RYR3: variants seen among roughly 807,000 people sequenced by gnomAD.
The protein encoded by RYR3 is brain ryanodine receptor-calcium release channel.
A neutral mutation model predicts 584.3 loss-of-function variants in RYR3; 207 were observed. The observed-to-expected ratio is 0.35, with a 90% CI of 0.32 to 0.40. The LOEUF (loss-of-function observed/expected upper bound fraction) is 0.40. Among genes scored for constraint, RYR3 ranks in the 10% least tolerant of loss-of-function variants. The probability of loss-of-function intolerance (pLI) is 1.00; values close to 1 mark genes in which losing one functional copy is unlikely to be tolerated. For synonymous variants in RYR3, 2,416 were observed against 2,248.5 expected, an observed-to-expected ratio of 1.07 and a Z score of -2.11; for missense variants, 5,616 against 6,089.2, an observed-to-expected ratio of 0.92 and a Z score of 2.59.
chr15:33,320,028 TAAA>T (rs532964114), intron 1 of RYR3, among the ~76,000 whole-genome samples: 1 of 152,052 alleles, frequency 6.6e-6, no homozygotes, highest in South Asian at 2.1e-4. Context: ...TACGTTCAAA[TAAA>T]AAAATTCTCA....
chr15:33,436,220 A>G (rs1313026069), intron 1 of RYR3, among the ~76,000 whole-genome samples: 1 of 152,134 alleles, frequency 6.6e-6, no homozygotes. Flanking sequence ...TCTTTGCTAT[A>G]CTGATTTCCT....
In RYR3 at chr15:33,379,687, C is replaced by CTCTCTCTATA; in HGVS notation, c.51+68592_51+68593insCTCTCTATAT. 2.0e-3 allele frequency among the ~76,000 whole-genome samples: 257 copies of CTCTCTCTATA among 125,518 alleles called. 1 individual carries two copies. Among genetic ancestry groups the CTCTCTCTATA allele is most frequent in the Middle Eastern group, 4.1e-3 (1 of 242 alleles). 82.3% of individuals were successfully genotyped at this position (125,518 alleles called of 152,430 possible). ...TGTCCCTCTCTCTCTCTCTCTCTCTCTATATATATATATATATATATGAAT... is the reference window on the plus strand; with the variant it reads ...TGTCCCTCTCTCTCTCTCTCTCTCTCTCTCTCTATATATATATATATATATATATATGAAT... On this transcript the variant is annotated intron_variant, in intron 1 of 103. Transcript: ENST00000634891.
In RYR3 at chr15:33,748,620, C is replaced by A; in HGVS notation, c.8199+90C>A. 3 of 1,071,280 alleles carry A rather than the reference C, an allele frequency of 2.8e-6. No homozygotes were observed. In the East Asian group the frequency reaches 7.7e-5, roughly 27 times the overall value. The allele number at this position is 1,071,280 out of a possible 1,614,324, so 66.4% of individuals were successfully genotyped here. A position where few individuals can be genotyped will look rare whatever the true frequency, so the allele number is the denominator to read the frequency against. On this transcript the variant is annotated intron_variant, in intron 55 of 103. Transcript: ENST00000634891. ...AAAGGGGGAAAAAAGGGAAAGAATG[C>A]CTAGAACATATCACCACTAAAATTC...
intron 85 of RYR3, among the ~76,000 whole-genome samples, chr15:33,829,306 T>C (rs1338991553): frequency 6.6e-6 from 1 of 152,182 alleles, no homozygotes; most frequent in Non-Finnish European, 1.5e-5. Context: ...AGCCCATGGA[T>C]CAAGGAGTAA....
intron 65 of RYR3, among the ~76,000 whole-genome samples, chr15:33,783,162 A>G (rs527592200): frequency 2.0e-5 from 3 of 152,304 alleles, no homozygotes; most frequent in Non-Finnish European, 4.4e-5. Flanking sequence ...AGGCTTGTTC[A>G]AGACTGTTGA....
chr15:33,549,199 C>T (rs1019141926), intron 9 of RYR3, among the ~76,000 whole-genome samples: 4 of 152,134 alleles, frequency 2.6e-5, no homozygotes, highest in African/African-American at 9.7e-5. Context: ...GAGTAACATA[C>T]TCTTGTTCTC....
At chr15:33,579,840 C>G in intron 12 of RYR3, 136 bp from the exon 13 acceptor site, 1 of 492,128 alleles carries the variant, frequency 2.0e-6, no homozygotes, top group Non-Finnish European at 3.6e-6. Flanking sequence ...CATTTTGTAG[C>G]TGCTGGTACA....
At chr15:33,640,003 C>T (rs546053695) in intron 27 of RYR3, among the ~76,000 whole-genome samples, 180 of 152,196 alleles carry the variant, frequency 1.2e-3, no homozygotes, top group Middle Eastern at 3.4e-3. Flanking sequence ...CTGGAAGAGG[C>T]TTTGGTGTGG....
rs571065681 is a variant in RYR3, at chr15:33,740,872, G to A, written c.7820+877G>A. 5.3e-5 allele frequency among the ~76,000 whole-genome samples: 8 copies of A among 152,340 alleles called. 1 individual carries two copies. The highest frequency in any genetic ancestry group is 4.1e-4 in the South Asian group (2 of 4,826). ...TTTGGGACAATTAAACACACATTCC[G>A]TTGGAAAGAGCTTTGAGCTGTGGGG... On this transcript the variant is annotated intron_variant, in intron 51 of 103. Transcript: ENST00000634891.
At chr15:33,349,142 C>T (rs1049217951) in intron 1 of RYR3, among the ~76,000 whole-genome samples, 3 of 131,898 alleles carry the variant, frequency 2.3e-5, no homozygotes, top group South Asian at 2.6e-4. Context: ...TAATATTCTA[C>T]AGGGTGGATG....
chr15:33,639,494 C>G (rs553457993), intron 27 of RYR3, among the ~76,000 whole-genome samples: 1 of 152,098 alleles, frequency 6.6e-6, no homozygotes, highest in African/African-American at 2.4e-5. Flanking sequence ...GCAATTCTTG[C>G]CTTGAGTTGT....
rs182118503 is a variant in RYR3, at chr15:33,448,586, C to A, written c.52-24833C>A. On this transcript the variant is annotated intron_variant, in intron 1 of 103. Coordinates refer to ENST00000634891, the MANE Select transcript of RYR3 (RefSeq NM_001036.6). ...ATGTACATAAAATAAAAAGTATGTA[C>A]AAGAGTTTCCACAGATGGTGACAAA... Among the ~76,000 whole-genome samples the A allele has an allele frequency of 1.7e-3, 256 of 152,320 alleles. 1 individual carries two copies. The highest frequency in any genetic ancestry group is 6.0e-3 in the African/African-American group (249 of 41,564).
intron 1 of RYR3, among the ~76,000 whole-genome samples, chr15:33,457,875 T>C (rs2047692701): frequency 6.6e-6 from 1 of 152,222 alleles, no homozygotes; most frequent in Non-Finnish European, 1.5e-5. Flanking sequence ...AAAATAGTTT[T>C]ACTTGCTGTC....
chr15:33,496,177 C>T (rs2596177), intron 2 of RYR3, among the ~76,000 whole-genome samples: 92,176 of 152,010 alleles, frequency 0.61, 28,132 homozygotes, highest in Middle Eastern at 0.7. Flanking sequence ...TATATAAAAC[C>T]ATCATAGGGA....
intron 2 of RYR3, among the ~76,000 whole-genome samples, chr15:33,502,015 G>C (rs1208671032): frequency 6.6e-6 from 1 of 152,130 alleles, no homozygotes; most frequent in Non-Finnish European, 1.5e-5. Context: ...CTAAGACTAG[G>C]TTTTTAGGAT....
chr15:33,754,905 C>G (rs1375150400), intron 57 of RYR3, among the ~76,000 whole-genome samples, 160 bp from the exon 58 acceptor site: 2 of 152,100 alleles, frequency 1.3e-5, no homozygotes, highest in Non-Finnish European at 2.9e-5. Flanking sequence ...TAGGTAGGTT[C>G]CAAGTGAGAG....
chr15:33,735,781 G>C (rs2069402999), intron 48 of RYR3, among the ~76,000 whole-genome samples: 2 of 152,164 alleles, frequency 1.3e-5, no homozygotes, highest in Non-Finnish European at 2.9e-5. Context: ...TCATGGCCCA[G>C]ATCATAAGGC....
intron 2 of RYR3, among the ~76,000 whole-genome samples, chr15:33,475,930 C>G (rs1386986841): frequency 6.6e-6 from 1 of 152,026 alleles, no homozygotes; most frequent in Non-Finnish European, 1.5e-5. Context: ...AACTAATTAC[C>G]TTTCAGGGGG....
intron 34 of RYR3, among the ~76,000 whole-genome samples, chr15:33,660,904 G>A (rs1482064409): frequency 6.6e-6 from 1 of 152,156 alleles, no homozygotes; most frequent in Non-Finnish European, 1.5e-5. Flanking sequence ...TCTACACAGT[G>A]AGAGAAATGC....
Sources: allele counts gnomAD v4.1 joint callset (sites outside exome capture counted in the v4.1 genomes callset), GRCh38; gene constraint gnomAD v4.1.1; transcripts MANE v1.5; gene names NCBI Gene and HGNC (gene_info 2026-07-23, HGNC 2026-07-21).